Variants in GOLPH3 observed in about 807,000 individuals in gnomAD.
GOLPH3 encodes golgi phosphoprotein 3.
GOLPH3 carries 14 observed loss-of-function variants against 28.5 expected under a neutral mutation model. The ratio of observed to expected loss-of-function variants is 0.49; its 90% CI spans 0.32 to 0.77. The LOEUF is 0.77. GOLPH3 is among the 30% of genes least tolerant of loss of function. The probability of loss-of-function intolerance (pLI) is 0.03; values close to 1 mark genes in which losing one functional copy is unlikely to be tolerated. For synonymous variants in GOLPH3, 158 were observed against 159.2 expected, an observed-to-expected ratio of 0.99 and a Z score of 0.06; for missense variants, 350 against 393.7, an observed-to-expected ratio of 0.89 and a Z score of 0.94.
At chr5:32,158,823 T>A (rs1021675355) in intron 1 of GOLPH3, among the ~76,000 whole-genome samples, 1 of 152,200 alleles carries the variant, frequency 6.6e-6, no homozygotes, top group Non-Finnish European at 1.5e-5. Context: ...CTCTTCAAGA[T>A]ACTCTCCATT....
At chr5:32,173,672 C>A (rs1746901507) in intron 1 of GOLPH3, 138 bp downstream of exon 1, 1 of 510,396 alleles carries the variant, frequency 2.0e-6, no homozygotes, top group South Asian at 7.4e-5. Flanking sequence ...GTCAGCTGGG[C>A]GCCACCAGGC....
chr5:32,146,915 C>CA (rs534342230), intron 1 of GOLPH3, among the ~76,000 whole-genome samples: 4,755 of 142,788 alleles, frequency 0.033, 73 homozygotes, highest in Non-Finnish European at 0.047. Context: ...CTAAAGAAAA[C>CA]AAAAAAAAAA....
chr5:32,136,691 T>A (rs1265842954), intron 2 of GOLPH3, among the ~76,000 whole-genome samples: 2 of 152,188 alleles, frequency 1.3e-5, no homozygotes, highest in Non-Finnish European at 2.9e-5. Flanking sequence ...TCCTTCAAAA[T>A]CTGAAACTTT....
At chr5:32,127,064 T>C (rs542486890) in intron 3 of GOLPH3, among the ~76,000 whole-genome samples, 1 of 152,300 alleles carries the variant, frequency 6.6e-6, no homozygotes, top group South Asian at 2.1e-4. Flanking sequence ...CTGCTACACA[T>C]ATACAGCCTA....
chr5:32,138,119 G>C (rs1342519329), intron 2 of GOLPH3, among the ~76,000 whole-genome samples: 2 of 151,946 alleles, frequency 1.3e-5, no homozygotes, highest in Middle Eastern at 3.2e-3. Flanking sequence ...GGGCAGGCTG[G>C]TCTTGAACTC....
At chr5:32,167,172 G>A (rs1746733928) in intron 1 of GOLPH3, among the ~76,000 whole-genome samples, 1 of 152,072 alleles carries the variant, frequency 6.6e-6, no homozygotes, top group Non-Finnish European at 1.5e-5. Context: ...CAATTCTTTT[G>A]TTTTGTTTTG....
intron 3 of GOLPH3, among the ~76,000 whole-genome samples, chr5:32,134,314 TC>T (rs1373973861): frequency 4.6e-5 from 7 of 151,942 alleles, no homozygotes; most frequent in Non-Finnish European, 8.8e-5. Context: ...CAAGCGATCC[TC>T]CCACCTCAGC....
Position 32,174,080 on chromosome 5 carries a change from G to A in GOLPH3, c.-46C>T, listed in dbSNP as rs1227331371. ...GCCGGGCCGAGAGGGTCGCAGGACC[G>A]ACCGGGTCGCCCTCCTCCTCCCCGC... On this transcript the variant is annotated 5_prime_UTR_variant, in exon 1 of 4. Coordinates refer to ENST00000265070, the MANE Select transcript of GOLPH3 (RefSeq NM_022130.4). The A allele has an allele frequency of 7.4e-6, 9 of 1,212,726 alleles. No homozygotes were observed. The highest frequency in any genetic ancestry group is 9.3e-6 in the Non-Finnish European group (9 of 968,120). 75.1% of individuals were successfully genotyped at this position (1,212,726 alleles called of 1,614,324 possible).
intron 3 of GOLPH3, among the ~76,000 whole-genome samples, chr5:32,131,325 T>C (rs747762538): frequency 7.9e-5 from 12 of 152,242 alleles, no homozygotes; most frequent in Non-Finnish European, 1.0e-4. Flanking sequence ...TTCTGCCTTT[T>C]ATTTTCGAAG....
intron 1 of GOLPH3, among the ~76,000 whole-genome samples, chr5:32,163,672 A>AC (rs1561683728): frequency 1.0e-5 from 1 of 97,548 alleles, no homozygotes; most frequent in African/African-American, 3.2e-5. Context: ...ACATATATAT[A>AC]TATATTTTTT....
chr5:32,144,281 C>T (rs1746144137), intron 1 of GOLPH3, among the ~76,000 whole-genome samples: 1 of 152,216 alleles, frequency 6.6e-6, no homozygotes, highest in South Asian at 2.1e-4. Flanking sequence ...GTTAGCTTCA[C>T]AGAGAATTAG....
intron 2 of GOLPH3, among the ~76,000 whole-genome samples, chr5:32,137,701 G>A (rs1259538591): frequency 6.6e-6 from 1 of 152,108 alleles, no homozygotes; most frequent in Non-Finnish European, 1.5e-5. Context: ...CATTTTAAAA[G>A]TGGAAAAATC....
At chr5:32,138,311 T>C (rs896153240) in intron 2 of GOLPH3, among the ~76,000 whole-genome samples, 2 of 152,232 alleles carry the variant, frequency 1.3e-5, no homozygotes, top group Non-Finnish European at 2.9e-5. Context: ...ATACAGTATC[T>C]ATCTCTGTGA....
In GOLPH3 at chr5:32,158,130, A is replaced by C. The variant is rs1272065630; in HGVS notation, c.226-14250T>G. Among the ~76,000 whole-genome samples, 316 of 34,810 alleles carry C rather than the reference A, an allele frequency of 9.1e-3. 12 individuals carry two copies. The highest frequency in any genetic ancestry group is 0.017 in the Admixed American group (52 of 3,076). 22.8% of individuals were successfully genotyped at this position (34,810 alleles called of 152,430 possible). A position where few individuals can be genotyped will look rare whatever the true frequency, so the allele number is the denominator to read the frequency against. On this transcript the variant is annotated intron_variant, in intron 1 of 3. Coordinates refer to ENST00000265070, the MANE Select transcript of GOLPH3 (RefSeq NM_022130.4). ...AATAAATAAATAAATAAATAAATAA[A>C]ATACACACACACACACACACACACA... is the stretch of plus-strand genomic sequence containing the variant.
chr5:32,151,641 A>G (rs143619199), intron 1 of GOLPH3, among the ~76,000 whole-genome samples: 2,217 of 152,366 alleles, frequency 0.015, 21 homozygotes, highest in Non-Finnish European at 0.024. Flanking sequence ...CATTTAAAAT[A>G]CATGAGACCT....
At chr5:32,128,521 T>C (rs931427359) in intron 3 of GOLPH3, among the ~76,000 whole-genome samples, 7 of 152,006 alleles carry the variant, frequency 4.6e-5, no homozygotes, top group South Asian at 2.1e-4. Flanking sequence ...TAGCCGGGCA[T>C]CGTGGCAGTT....
At chr5:32,130,349 C>CATA (rs1745799483) in intron 3 of GOLPH3, among the ~76,000 whole-genome samples, 1 of 152,112 alleles carries the variant, frequency 6.6e-6, no homozygotes, top group African/African-American at 2.4e-5. Context: ...GCCAAACTTA[C>CATA]ATAAAAGCCT....
chr5:32,165,022 C>T (rs1478465024), intron 1 of GOLPH3, among the ~76,000 whole-genome samples: 1 of 151,036 alleles, frequency 6.6e-6, no homozygotes, highest in Non-Finnish European at 1.5e-5. Flanking sequence ...GCCTCAGCCT[C>T]CCGAGTAGCT....
Position 32,143,614 on chromosome 5 carries a change from A to G in GOLPH3, c.357+135T>C, listed in dbSNP as rs1230483860. 5.3e-5 allele frequency: 41 copies of G among 772,144 alleles called. 1 individual carries two copies. The highest frequency in any genetic ancestry group is 2.0e-5 in the Non-Finnish European group (10 of 492,468). The allele number at this position is 772,144 out of a possible 1,614,324, so 47.8% of individuals were successfully genotyped here. On this transcript the variant is annotated intron_variant, in intron 2 of 3. Coordinates refer to ENST00000265070, the MANE Select transcript of GOLPH3 (RefSeq NM_022130.4). ...AACCAGGAAACCAAGAATGCAAAAA[A>G]GATATGGAAATACAATTGAAGAAAG...
Sources: gnomAD v4.1 joint callset for allele counts (sites outside exome capture counted in the v4.1 genomes callset) on GRCh38, gnomAD v4.1.1 for gene constraint, MANE v1.5 for transcripts, NCBI Gene and HGNC (gene_info 2026-07-23, HGNC 2026-07-21) for gene names.